PAPPA: variants seen among roughly 807,000 people sequenced by gnomAD.
The protein encoded by PAPPA is pappalysin 1.
Under a neutral mutation model 164.0 loss-of-function variants are expected in PAPPA, and 60 were observed. The observed-to-expected ratio is 0.37, with a 90% confidence interval of 0.30 to 0.45. The LOEUF is 0.45. Ranked by LOEUF, PAPPA falls within the 20% of genes least tolerant of loss-of-function variation. PAPPA has a pLI of 1.00. For synonymous variants in PAPPA, 875 were observed against 814.1 expected (o/e 1.07, Z -1.27); for missense variants, 1,782 against 2,087.3 (o/e 0.85, Z 2.85).
At chr9:116,310,597 T>A (rs1166925925) in intron 10 of PAPPA, among the ~76,000 whole-genome samples, 2 of 152,178 alleles carry the variant, frequency 1.3e-5, no homozygotes, top group African/African-American at 4.8e-5. Flanking sequence ...TTAAATCTAC[T>A]GAATCTTATG....
chr9:116,334,238 T>TAA (rs397974030), intron 12 of PAPPA, among the ~76,000 whole-genome samples: 16,453 of 108,732 alleles, frequency 0.15, 1,685 homozygotes, highest in Non-Finnish European at 0.22. Context: ...CTGGCTGCAT[T>TAA]AAAAAAAAAA....
At chr9:116,185,875 A>G (rs538871234) in intron 1 of PAPPA, among the ~76,000 whole-genome samples, 1 of 152,286 alleles carries the variant, frequency 6.6e-6, no homozygotes, top group African/African-American at 2.4e-5. Flanking sequence ...TAGGTGGCAT[A>G]GCCCAGATGC....
chr9:116,353,265 CA>C (rs1285084719), intron 16 of PAPPA, among the ~76,000 whole-genome samples: 3 of 152,022 alleles, frequency 2.0e-5, no homozygotes, highest in Non-Finnish European at 4.4e-5. Context: ...AAAGTGCTCA[CA>C]AAATGCTTTG....
At chr9:116,295,540 C>T (rs1470148446) in intron 9 of PAPPA, among the ~76,000 whole-genome samples, 10 of 122,678 alleles carry the variant, frequency 8.2e-5, no homozygotes, top group Middle Eastern at 6.7e-3. Context: ...GGCAACAGAG[C>T]GAGACTCGGT....
At chr9:116,261,595 A>C (rs1845002001) in intron 7 of PAPPA, among the ~76,000 whole-genome samples, 1 of 152,158 alleles carries the variant, frequency 6.6e-6, no homozygotes, top group African/African-American at 2.4e-5. Flanking sequence ...ATAAACTTTA[A>C]TTTATGCATT....
intron 7 of PAPPA, among the ~76,000 whole-genome samples, chr9:116,259,046 T>G (rs1844970060): frequency 6.6e-6 from 1 of 152,118 alleles, no homozygotes; most frequent in African/African-American, 2.4e-5. Context: ...GGCAGGGGAA[T>G]TGCTTGAACA....
intron 1 of PAPPA, among the ~76,000 whole-genome samples, chr9:116,170,629 ACTCC>A (rs1843765869): frequency 1.4e-5 from 1 of 69,826 alleles, no homozygotes; most frequent in Admixed American, 1.7e-4. Context: ...ATCTCCCCCC[ACTCC>A]CTCCCTCTCT....
intron 11 of PAPPA, among the ~76,000 whole-genome samples, 195 bp downstream of exon 11, chr9:116,331,552 CTT>C (rs1262305280): frequency 1.3e-5 from 2 of 152,202 alleles, no homozygotes; most frequent in African/African-American, 4.8e-5. Context: ...CCACTGAGCT[CTT>C]GTTTTAGCAA....
At chr9:116,191,001 A>C (rs767206794) in intron 2 of PAPPA, among the ~76,000 whole-genome samples, 5 of 151,788 alleles carry the variant, frequency 3.3e-5, no homozygotes, top group Non-Finnish European at 5.9e-5. Flanking sequence ...TTGCTTTGTG[A>C]ATTTAAACAA....
At position 116,382,376 on chromosome 9, in the gene PAPPA, CTTCT is replaced by C; in HGVS notation, c.4678-18_4678-15del. On this transcript the variant is annotated splice_polypyrimidine_tract_variant and intron_variant, in intron 20 of 21. Coordinates refer to ENST00000328252, the MANE Select transcript of PAPPA (RefSeq NM_002581.5). ...GATGCTAACAAGGCCTCATTTCCTC[CTTCT>C]GTCTCCCTTTCCAGCCCTTCATGGG... 1 of 1,558,804 alleles carries C rather than the reference CTTCT, an allele frequency of 6.4e-7. No homozygotes were observed.
chr9:116,203,609 A>T (rs891890568), intron 2 of PAPPA, among the ~76,000 whole-genome samples: 6 of 152,172 alleles, frequency 3.9e-5, no homozygotes, highest in African/African-American at 1.4e-4. Flanking sequence ...TGTTTTGCTA[A>T]CAATAATGCA....
chr9:116,182,397 T>A (rs1587941483), intron 1 of PAPPA, among the ~76,000 whole-genome samples: 1 of 152,238 alleles, frequency 6.6e-6, no homozygotes, highest in Non-Finnish European at 1.5e-5. Context: ...CAGCCACATA[T>A]GTGGGAAGCA....
rs1391571746 is a variant in PAPPA, at chr9:116,402,211, C to T, written c.*5595C>T. 1.3e-5 allele frequency: 2 copies of T among 152,572 alleles called. No individual in the cohort carries two copies. The highest frequency in any genetic ancestry group is 4.8e-5 in the African/African-American group (2 of 41,436). 9.5% of individuals were successfully genotyped at this position (152,572 alleles called of 1,614,324 possible). A position where few individuals can be genotyped will look rare whatever the true frequency, so the allele number is the denominator to read the frequency against. ...ATACTGTTTTCTCTGATCTCAATTA[C>T]AGGTTGGATCTCACAAATAATAATG... On this transcript the variant is annotated 3_prime_UTR_variant, in exon 22 of 22. Coordinates refer to ENST00000328252, the MANE Select transcript of PAPPA (RefSeq NM_002581.5).
chr9:116,341,030 T>TTTTATTTATTTATTTATTTATTTATTTA (rs370348154), intron 13 of PAPPA, among the ~76,000 whole-genome samples: 9 of 150,940 alleles, frequency 6.0e-5, no homozygotes, highest in African/African-American at 2.2e-4. Context: ...TATTTTTTTG[T>TTTTATTTATTTATTTATTTATTTATTTA]TTTATTTATT....
At chr9:116,322,155 G>T (rs960400684) in intron 10 of PAPPA, among the ~76,000 whole-genome samples, 1 of 152,094 alleles carries the variant, frequency 6.6e-6, no homozygotes, top group Non-Finnish European at 1.5e-5. Flanking sequence ...GGCCAGGCGC[G>T]GTGACTCACG....
chr9:116,237,867 G>C (rs559722963), intron 7 of PAPPA, among the ~76,000 whole-genome samples: 1 of 151,838 alleles, frequency 6.6e-6, no homozygotes, highest in African/African-American at 2.4e-5. Flanking sequence ...TTACAGGCAC[G>C]CACCACCACG....
At chr9:116,356,623 C>T (rs1846357848) in intron 17 of PAPPA, among the ~76,000 whole-genome samples, 2 of 152,198 alleles carry the variant, frequency 1.3e-5, no homozygotes, top group Non-Finnish European at 2.9e-5. Context: ...ATCTTTTCCC[C>T]ATTTCTTGTT....
At chr9:116,361,046 G>A (rs1001234958) in intron 17 of PAPPA, among the ~76,000 whole-genome samples, 3 of 152,160 alleles carry the variant, frequency 2.0e-5, no homozygotes, top group Admixed American at 1.3e-4. Context: ...CACAACATAC[G>A]ATGCCTTCAC....
At chr9:116,158,936 T>C (rs1377537526) in intron 1 of PAPPA, among the ~76,000 whole-genome samples, 1 of 152,214 alleles carries the variant, frequency 6.6e-6, no homozygotes, top group Non-Finnish European at 1.5e-5. Flanking sequence ...CTGTCAGCAG[T>C]CTTTTTGGAG....
Sources: gnomAD v4.1 joint callset for allele counts (sites outside exome capture counted in the v4.1 genomes callset) on GRCh38, gnomAD v4.1.1 for gene constraint, MANE v1.5 for transcripts, NCBI Gene and HGNC (gene_info 2026-07-23, HGNC 2026-07-21) for gene names.